TDRP: variants seen among roughly 807,000 people sequenced by gnomAD.
TDRP encodes testis development-related protein.
In TDRP, 12 loss-of-function variants were observed where a neutral mutation model predicts 10.5. The ratio of observed to expected loss-of-function variants is 1.15; its 90% CI spans 0.73 to 1.86. TDRP has a LOEUF of 1.86. TDRP is among the 40% of genes most tolerant of loss of function. TDRP has a pLI of 0.00. For synonymous variants in TDRP, 139 were observed against 95.4 expected, an observed-to-expected ratio of 1.46 and a Z score of -2.67; for missense variants, 353 against 229.2, an observed-to-expected ratio of 1.54 and a Z score of -3.49.
At chr8:500,640 A>C (rs1170179010) in intron 1 of TDRP, among the ~76,000 whole-genome samples, 1 of 152,216 alleles carries the variant, frequency 6.6e-6, no homozygotes, top group Non-Finnish European at 1.5e-5. Context: ...TTTTTCATTA[A>C]ATGTAAAATT....
At chr8:515,150 G>A (rs1801724180) in intron 1 of TDRP, among the ~76,000 whole-genome samples, 1 of 152,136 alleles carries the variant, frequency 6.6e-6, no homozygotes, top group African/African-American at 2.4e-5. Flanking sequence ...CGGCACTGAT[G>A]TATGTTCTGT....
intron 1 of TDRP, among the ~76,000 whole-genome samples, chr8:540,933 T>C (rs944433907): frequency 6.6e-6 from 1 of 151,752 alleles, no homozygotes; most frequent in African/African-American, 2.4e-5. Context: ...ACGTTTAACA[T>C]CACACTGACT....
intron 1 of TDRP, among the ~76,000 whole-genome samples, chr8:507,474 C>T (rs1334554589): frequency 1.3e-5 from 2 of 151,986 alleles, no homozygotes; most frequent in Admixed American, 1.3e-4. Flanking sequence ...CAATGTATGC[C>T]CCAGGACATT....
intron 1 of TDRP, among the ~76,000 whole-genome samples, chr8:543,718 T>C (rs953479433): frequency 1.3e-5 from 2 of 152,064 alleles, no homozygotes; most frequent in Non-Finnish European, 2.9e-5. Flanking sequence ...AAGAAACAAC[T>C]CCAGACCCTA....
Position 490,802 on chromosome 8 carries a change from C to T in TDRP, c.*1597G>A, listed in dbSNP as rs1010539035. The T allele has an allele frequency of 4.6e-5, 7 of 152,096 alleles. No individual in the cohort carries two copies. The highest frequency in any genetic ancestry group is 1.7e-4 in the African/African-American group (7 of 41,406). 9.4% of individuals were successfully genotyped at this position (152,096 alleles called of 1,614,324 possible). On this transcript the variant is annotated 3_prime_UTR_variant, in exon 3 of 3. Transcript: ENST00000324079. ...ACTTCACCATTTCAAGGTTCTAATA[C>T]AAGCTGGAATTTTTGTTTGAACACC... is the stretch of plus-strand genomic sequence containing the variant.
chr8:538,323 C>T (rs1434777722), intron 1 of TDRP, among the ~76,000 whole-genome samples: 1 of 152,202 alleles, frequency 6.6e-6, no homozygotes, highest in Non-Finnish European at 1.5e-5. Context: ...ACTGCAGGGA[C>T]TTCTACTGAG....
At chr8:539,397 G>C (rs1802432785) in intron 1 of TDRP, among the ~76,000 whole-genome samples, 2 of 152,168 alleles carry the variant, frequency 1.3e-5, no homozygotes, top group Admixed American at 6.5e-5. Context: ...TCTGGAACTG[G>C]AGAAATAAAT....
intron 1 of TDRP, among the ~76,000 whole-genome samples, chr8:513,650 C>A (rs1239133123): frequency 6.6e-6 from 1 of 152,092 alleles, no homozygotes; most frequent in African/African-American, 2.4e-5. Flanking sequence ...AGATTTCAGC[C>A]ACAGCAATTA....
At chr8:494,392 T>A in intron 2 of TDRP, 102 bp downstream of exon 2, 1 of 1,169,348 alleles carries the variant, frequency 8.6e-7, no homozygotes, top group Non-Finnish European at 1.2e-6. Context: ...CCACAATGCC[T>A]CCAGTTACAC....
chr8:502,397 G>A (rs1216900716), intron 1 of TDRP, among the ~76,000 whole-genome samples: 1 of 152,224 alleles, frequency 6.6e-6, no homozygotes. Flanking sequence ...CCAAATTGCA[G>A]GGTGCCAGGC....
intron 1 of TDRP, among the ~76,000 whole-genome samples, chr8:517,000 C>T (rs1801773768): frequency 6.6e-6 from 1 of 152,146 alleles, no homozygotes; most frequent in Admixed American, 6.5e-5. Context: ...AATTCTAAGC[C>T]TCCTGATGCA....
chr8:520,989 C>G (rs1350782645), intron 1 of TDRP, among the ~76,000 whole-genome samples: 1 of 152,022 alleles, frequency 6.6e-6, no homozygotes, highest in African/African-American at 2.4e-5. Context: ...GGTGTCATAT[C>G]CAAGAAATCA....
chr8:526,374 G>C (rs1205471859), intron 1 of TDRP, among the ~76,000 whole-genome samples: 1 of 152,152 alleles, frequency 6.6e-6, no homozygotes, highest in Non-Finnish European at 1.5e-5. Context: ...CTATTATTAT[G>C]TGGAGTTATG....
chr8:505,254 G>A (rs1362954927), intron 1 of TDRP, among the ~76,000 whole-genome samples: 1 of 152,170 alleles, frequency 6.6e-6, no homozygotes, highest in Non-Finnish European at 1.5e-5. Flanking sequence ...GAACTGAAAA[G>A]GATTAATTCC....
intron 1 of TDRP, among the ~76,000 whole-genome samples, chr8:542,855 C>T (rs1802534952): frequency 1.2e-5 from 1 of 86,362 alleles, no homozygotes; most frequent in Non-Finnish European, 2.4e-5. Flanking sequence ...GAAACTTCAT[C>T]TCAAAAAAAA....
At chr8:513,815 T>G (rs979567215) in intron 1 of TDRP, among the ~76,000 whole-genome samples, 1 of 152,234 alleles carries the variant, frequency 6.6e-6, no homozygotes, top group Non-Finnish European at 1.5e-5. Context: ...GGACACATCA[T>G]GAATACACGA....
intron 1 of TDRP, among the ~76,000 whole-genome samples, chr8:503,491 C>T (rs558900009): frequency 1.2e-4 from 17 of 137,588 alleles, no homozygotes; most frequent in East Asian, 4.8e-4. Flanking sequence ...CATCGGAACA[C>T]GTGCCCACCT....
At position 492,677 on chromosome 8, in the gene TDRP, A is replaced by C; in HGVS notation, c.280T>G (p.Leu94Val). 6.2e-7 allele frequency: 1 copy of C among 1,613,990 alleles called. No individual in the cohort carries two copies. Among genetic ancestry groups the C allele is most frequent in the South Asian group, 1.1e-5 (1 of 91,078 alleles). Reference protein sequence around the residue: ...KKSGFWDNLVLKQNIQSKKPD... With the variant: ...KKSGFWDNLVVKQNIQSKKPD... ...TTTTTAGACTGTATATTCTGTTTTA[A>C]AACCAAATTGTCCCAAAATCCAGAT... The change falls in exon 3 of 3, where the codon TTA becomes GTA. Residue 94 changes from leucine to valine, a missense_variant. By Grantham distance (32) the Leu-to-Val change is conservative (BLOSUM62 1). Coordinates refer to ENST00000324079, the MANE Select transcript of TDRP (RefSeq NM_001384899.1).
intron 1 of TDRP, among the ~76,000 whole-genome samples, chr8:529,722 C>T (rs1288210787): frequency 6.6e-6 from 1 of 152,174 alleles, no homozygotes; most frequent in East Asian, 1.9e-4. Context: ...AATGTTTCTG[C>T]TGACAAATCT....
Sources: gnomAD v4.1 joint callset for allele counts (sites outside exome capture counted in the v4.1 genomes callset) on GRCh38, gnomAD v4.1.1 for gene constraint, MANE v1.5 for transcripts, NCBI Gene and HGNC (gene_info 2026-07-23, HGNC 2026-07-21) for gene names.